The following SDK1 variants were observed in gnomAD, a reference collection of about 807,000 sequenced individuals.
The protein encoded by SDK1 is sidekick cell adhesion molecule 1, also known as protein sidekick-1.
Under a neutral mutation model 245.5 loss-of-function variants are expected in SDK1, and 157 were observed. The observed-to-expected ratio is 0.64, with a 90% CI of 0.56 to 0.73. The LOEUF is 0.73. Among genes scored for constraint, SDK1 ranks in the 30% least tolerant of loss-of-function variants. The pLI is 0.00. For missense variants in SDK1, 3,583 were observed against 3,002.3 expected (o/e 1.19, Z -4.52); for synonymous variants, 1,647 against 1,278.5 (o/e 1.29, Z -6.15).
chr7:3,849,302 G>A (rs1780362025), intron 5 of SDK1, among the ~76,000 whole-genome samples: 2 of 152,084 alleles, frequency 1.3e-5, no homozygotes, highest in South Asian at 4.1e-4. Flanking sequence ...ACCACTCAGC[G>A]TTGCTGCTCC....
intron 19 of SDK1, among the ~76,000 whole-genome samples, chr7:4,066,226 G>C (rs535424291): frequency 3.3e-5 from 5 of 152,210 alleles, no homozygotes; most frequent in Non-Finnish European, 7.4e-5. Context: ...TGTTTCTCCT[G>C]AACGGGTATC....
intron 41 of SDK1, among the ~76,000 whole-genome samples, chr7:4,234,859 G>A (rs1364355104): frequency 6.6e-6 from 1 of 152,210 alleles, no homozygotes; most frequent in East Asian, 1.9e-4. Context: ...GGGCAGGGAG[G>A]CCTCGGCGTT....
chr7:4,001,514 A>G (rs1219422352), intron 14 of SDK1, among the ~76,000 whole-genome samples: 2 of 152,192 alleles, frequency 1.3e-5, no homozygotes, highest in African/African-American at 4.8e-5. Context: ...TACGGCCTCA[A>G]AGCCTGTTGT....
At chr7:3,896,253 C>A (rs1189565549) in intron 5 of SDK1, among the ~76,000 whole-genome samples, 4 of 152,194 alleles carry the variant, frequency 2.6e-5, no homozygotes, top group Admixed American at 2.6e-4. Context: ...TGGCATCTTC[C>A]TTCTCCCTGA....
At chr7:3,737,200 T>C (rs1314555439) in intron 4 of SDK1, among the ~76,000 whole-genome samples, 1 of 152,174 alleles carries the variant, frequency 6.6e-6, no homozygotes, top group Non-Finnish European at 1.5e-5. Flanking sequence ...CAGGACCCCC[T>C]GCTGGGCAGG....
chr7:3,532,208 A>G (rs1783370890), intron 1 of SDK1, among the ~76,000 whole-genome samples: 1 of 152,086 alleles, frequency 6.6e-6, no homozygotes, highest in South Asian at 2.1e-4. Flanking sequence ...TTTCTCCCTT[A>G]ATGAGTTTGC....
At chr7:4,009,890 G>T (rs751833463) in intron 14 of SDK1, among the ~76,000 whole-genome samples, 1 of 152,188 alleles carries the variant, frequency 6.6e-6, no homozygotes, top group Non-Finnish European at 1.5e-5. Flanking sequence ...GCTCGCAGGC[G>T]CAGACTTACG....
chr7:3,332,822 A>G (rs550577315), intron 1 of SDK1, among the ~76,000 whole-genome samples: 1 of 152,272 alleles, frequency 6.6e-6, no homozygotes, highest in South Asian at 2.1e-4. Context: ...AAATCTGCCA[A>G]GTTTTTTATG....
At chr7:3,466,236 T>C (rs966286621) in intron 1 of SDK1, among the ~76,000 whole-genome samples, 1 of 151,748 alleles carries the variant, frequency 6.6e-6, no homozygotes, top group African/African-American at 2.4e-5. Flanking sequence ...AGGCAGATTT[T>C]CAGCTTTATA....
At chr7:3,610,769 T>G (rs1292365621) in intron 1 of SDK1, among the ~76,000 whole-genome samples, 1 of 152,200 alleles carries the variant, frequency 6.6e-6, no homozygotes, top group Non-Finnish European at 1.5e-5. Flanking sequence ...AAACAGAGAA[T>G]CAGTTTGACT....
chr7:3,619,791 G>T (rs910494868), intron 2 of SDK1, among the ~76,000 whole-genome samples: 8 of 152,198 alleles, frequency 5.3e-5, no homozygotes, highest in African/African-American at 1.9e-4. Context: ...CCAGTCACCA[G>T]GGATCTGATG....
intron 1 of SDK1, among the ~76,000 whole-genome samples, chr7:3,433,862 G>A (rs546034553): frequency 3.9e-5 from 6 of 152,298 alleles, no homozygotes; most frequent in South Asian, 4.1e-4. Context: ...GTTGACTTCA[G>A]AAATATGTGT....
At chr7:3,754,782 A>G (rs969577128) in intron 4 of SDK1, among the ~76,000 whole-genome samples, 2 of 152,184 alleles carry the variant, frequency 1.3e-5, no homozygotes, top group African/African-American at 4.8e-5. Flanking sequence ...ATAGTACCCG[A>G]TTCACTAAAC....
Position 4,265,343 on chromosome 7 carries a change from G to C in SDK1, c.6601G>C (p.Gly2201Arg), listed in dbSNP as rs762433679. Reference protein sequence around the residue: ...AGGVYTPAGPGARTPLTGFSS... With the variant: ...AGGVYTPAGPRARTPLTGFSS... ...CGGCGTCTACACCCCCGCTGGCCCCGGCGCGCGAACTCCGCTCACCGGCTT... is the reference window on the plus strand; with the variant it reads ...CGGCGTCTACACCCCCGCTGGCCCCCGCGCGCGAACTCCGCTCACCGGCTT... The change falls in exon 45 of 45, where the codon GGC becomes CGC. Residue 2201 changes from glycine (G) to arginine (R), a missense_variant. Gly to Arg is a moderately radical substitution (Grantham distance 125, BLOSUM62 -2). Transcript: ENST00000404826. The C allele has an allele frequency of 4.1e-6, 6 of 1,467,012 alleles. 1 individual carries two copies. The South Asian group carries it at 4.2e-5, about 10-fold the overall frequency. The allele number at this position is 1,467,012 out of a possible 1,614,324, so 90.9% of individuals were successfully genotyped here. A position where few individuals can be genotyped will look rare whatever the true frequency, so the allele number is the denominator to read the frequency against.
intron 1 of SDK1, among the ~76,000 whole-genome samples, chr7:3,527,503 CAG>C (rs1251679992): frequency 6.6e-6 from 1 of 152,170 alleles, no homozygotes; most frequent in Non-Finnish European, 1.5e-5. Flanking sequence ...TGGAGTGTCT[CAG>C]GGCCAGCAAG....
intron 16 of SDK1, among the ~76,000 whole-genome samples, chr7:4,014,350 A>C (rs1442941637): frequency 6.6e-6 from 1 of 152,210 alleles, no homozygotes; most frequent in Non-Finnish European, 1.5e-5. Flanking sequence ...GCTGGAGATG[A>C]GGGCATCTTC....
chr7:4,153,524 T>C (rs1780525487), intron 30 of SDK1, among the ~76,000 whole-genome samples: 2 of 152,166 alleles, frequency 1.3e-5, no homozygotes, highest in Non-Finnish European at 2.9e-5. Flanking sequence ...CGGCGGAGAT[T>C]GCAGTGAGCT....
rs1480677950 is a variant in SDK1 at position 3,603,567 on chromosome 7, T to C, written c.299-15513T>C. Among the ~76,000 whole-genome samples the C allele has an allele frequency of 5.3e-5, 8 of 152,236 alleles. No homozygotes were observed. The East Asian group carries it at 1.5e-3, about 29-fold the overall frequency. On this transcript the variant is annotated intron_variant, in intron 1 of 44. Transcript: ENST00000404826. ...GACTTTGCTGAAGTTGCTTATCAGCTTGAGGAGATTTTGGGCTGAGACGAT... is the reference window on the plus strand; with the variant it reads ...GACTTTGCTGAAGTTGCTTATCAGCCTGAGGAGATTTTGGGCTGAGACGAT...
chr7:3,467,169 T>A (rs985661951), intron 1 of SDK1, among the ~76,000 whole-genome samples: 1 of 152,132 alleles, frequency 6.6e-6, no homozygotes, highest in African/African-American at 2.4e-5. Context: ...ATTTTTATGA[T>A]CAATAAAAAT....
Sources: gnomAD v4.1 joint callset for allele counts (sites outside exome capture counted in the v4.1 genomes callset) on GRCh38, gnomAD v4.1.1 for gene constraint, MANE v1.5 for transcripts, NCBI Gene and HGNC (gene_info 2026-07-23, HGNC 2026-07-21) for gene names.